The following RYR3 variants were observed in gnomAD, a reference collection of about 807,000 sequenced individuals.
RYR3 encodes brain ryanodine receptor-calcium release channel.
RYR3 carries 207 observed loss-of-function variants against 584.3 expected under a neutral mutation model. The ratio of observed to expected loss-of-function variants is 0.35; its 90% CI spans 0.32 to 0.40. RYR3 has a LOEUF of 0.40. Among genes scored for constraint, RYR3 ranks in the 10% least tolerant of loss-of-function variants. The pLI is 1.00. For missense variants in RYR3, 5,616 were observed against 6,089.2 expected (o/e 0.92, Z 2.59); for synonymous variants, 2,416 against 2,248.5 (o/e 1.07, Z -2.11).
intron 1 of RYR3, among the ~76,000 whole-genome samples, chr15:33,341,003 C>T (rs1157938609): frequency 6.6e-6 from 1 of 152,112 alleles, no homozygotes; most frequent in Admixed American, 6.5e-5. Context: ...CCACACACTG[C>T]TAAGCCCCAT....
At chr15:33,403,613 A>T (rs540890985) in intron 1 of RYR3, among the ~76,000 whole-genome samples, 1 of 148,960 alleles carries the variant, frequency 6.7e-6, no homozygotes, top group South Asian at 2.1e-4. Context: ...AATAATTGAC[A>T]ACTTTTCAGT....
At chr15:33,773,715 A>G in intron 64 of RYR3, 100 bp downstream of exon 64, 1 of 791,398 alleles carries the variant, frequency 1.3e-6, no homozygotes, top group Non-Finnish European at 2.2e-6. Flanking sequence ...AGCAAGACCA[A>G]AATGCTCACT....
chr15:33,699,178 G>GAT (rs1329248077), intron 40 of RYR3, among the ~76,000 whole-genome samples: 5 of 151,852 alleles, frequency 3.3e-5, no homozygotes, highest in African/African-American at 1.2e-4. Flanking sequence ...CTTGGGCTTT[G>GAT]ATATACTGGT....
chr15:33,443,469 A>G (rs2046388075), intron 1 of RYR3, among the ~76,000 whole-genome samples: 1 of 152,180 alleles, frequency 6.6e-6, no homozygotes, highest in Non-Finnish European at 1.5e-5. Flanking sequence ...TTATTATAGG[A>G]TGTTTAGTAA....
intron 16 of RYR3, among the ~76,000 whole-genome samples, chr15:33,596,571 G>T (rs971388244): frequency 6.6e-6 from 1 of 151,778 alleles, no homozygotes; most frequent in Non-Finnish European, 1.5e-5. Context: ...TGTTCATGGG[G>T]TACATAGTGA....
At chr15:33,819,287 C>T (rs2076983511) in intron 76 of RYR3, among the ~76,000 whole-genome samples, 1 of 152,172 alleles carries the variant, frequency 6.6e-6, no homozygotes, top group African/African-American at 2.4e-5. Context: ...TTCTAAGAAT[C>T]AGAGTGGGGG....
chr15:33,818,026 G>A (rs976172863), intron 75 of RYR3, among the ~76,000 whole-genome samples: 2 of 152,228 alleles, frequency 1.3e-5, no homozygotes, highest in African/African-American at 4.8e-5. Context: ...CAGCTCTCAG[G>A]AGCAACAAGA....
At chr15:33,690,162 A>G (rs879483267) in intron 38 of RYR3, among the ~76,000 whole-genome samples, 1 of 152,220 alleles carries the variant, frequency 6.6e-6, no homozygotes, top group Non-Finnish European at 1.5e-5. Context: ...TGTTGGGGAC[A>G]AAGAGTTAAG....
intron 1 of RYR3, among the ~76,000 whole-genome samples, chr15:33,411,392 C>T (rs2043395029): frequency 6.6e-6 from 1 of 152,214 alleles, no homozygotes. Flanking sequence ...AGACATCTGT[C>T]ACTGCAAATA....
intron 3 of RYR3, among the ~76,000 whole-genome samples, chr15:33,508,921 G>A (rs2052720088): frequency 6.6e-6 from 1 of 152,172 alleles, no homozygotes; most frequent in Non-Finnish European, 1.5e-5. Context: ...AAGATGACAT[G>A]CCTGTGACTG....
intron 2 of RYR3, among the ~76,000 whole-genome samples, chr15:33,478,263 T>G (rs563777334): frequency 2.0e-5 from 3 of 152,224 alleles, no homozygotes; most frequent in Non-Finnish European, 2.9e-5. Flanking sequence ...CCTATAGCAA[T>G]TCAGGGGCTG....
In RYR3 at chr15:33,726,947, C is replaced by G. The variant is rs116914928; in HGVS notation, c.7033+441C>G. On this transcript the variant is annotated intron_variant, in intron 46 of 103. Coordinates refer to ENST00000634891, the MANE Select transcript of RYR3 (RefSeq NM_001036.6). ...GGAAGTAATGACTTCAATCTGCTCTCTTGTCTGTGTCAGGACAATTGTACC... is the reference window on the plus strand; with the variant it reads ...GGAAGTAATGACTTCAATCTGCTCTGTTGTCTGTGTCAGGACAATTGTACC... Among the ~76,000 whole-genome samples, 1,240 of 152,326 alleles carry G rather than the reference C, an allele frequency of 8.1e-3. 12 individuals carry two copies. Among genetic ancestry groups the G allele is most frequent in the Non-Finnish European group, 0.012 (812 of 68,032 alleles).
intron 1 of RYR3, among the ~76,000 whole-genome samples, chr15:33,394,077 G>T (rs1232825405): frequency 1.3e-5 from 2 of 152,180 alleles, no homozygotes; most frequent in Non-Finnish European, 2.9e-5. Context: ...GCACCATCTT[G>T]TGTGGCACAG....
Position 33,659,771 on chromosome 15 carries a change from A to C in RYR3, c.4360A>C (p.Thr1454Pro). The change falls in exon 33 of 104, where the codon ACT (threonine) becomes CCT (proline). Residue 1454 changes from threonine (T) to proline (P), a missense_variant. Physicochemically the swap from Thr to Pro is conservative, Grantham distance 38. Around this residue, in one of 9 missense-constraint regions of RYR3, gnomAD observed 753 missense variants for 741.0 expected, o/e 1.02. Transcript: ENST00000634891. ...AGCAGTCTTCCTGCAGCCTACAAGT[A>C]CTTCTTTGTTTCAGTTTGAACTTGG... ...FPAVFLQPTS[T>P]SLFQFELGKL... 1 of 1,613,132 alleles carries C rather than the reference A, an allele frequency of 6.2e-7. No individual in the cohort carries two copies. Among genetic ancestry groups the C allele is most frequent in the Admixed American group, 1.7e-5 (1 of 60,010 alleles).
At chr15:33,582,968 T>A (rs2058668582) in intron 14 of RYR3, among the ~76,000 whole-genome samples, 5 of 152,220 alleles carry the variant, frequency 3.3e-5, no homozygotes, top group Admixed American at 3.3e-4. Flanking sequence ...GCGTCTACTC[T>A]TTTTGCCCTG....
intron 60 of RYR3, among the ~76,000 whole-genome samples, chr15:33,760,766 G>A (rs1228012852): frequency 7.9e-5 from 12 of 152,132 alleles, no homozygotes; most frequent in African/African-American, 2.9e-4. Context: ...GACATCTACA[G>A]AACTCTCCAC....
intron 43 of RYR3, among the ~76,000 whole-genome samples, chr15:33,719,338 A>T (rs1167104854): frequency 6.6e-6 from 1 of 152,204 alleles, no homozygotes; most frequent in African/African-American, 2.4e-5. Flanking sequence ...CGTAGAACTC[A>T]CAGTCTGATT....
At chr15:33,686,953 C>G (rs1164873226) in intron 38 of RYR3, among the ~76,000 whole-genome samples, 2 of 152,212 alleles carry the variant, frequency 1.3e-5, no homozygotes, top group East Asian at 3.9e-4. Context: ...GACAAACCCA[C>G]AGCCAATATC....
intron 32 of RYR3, 55 bp downstream of exon 32, chr15:33,652,938 C>T (rs2062576290): frequency 6.5e-7 from 1 of 1,528,724 alleles, no homozygotes; most frequent in Non-Finnish European, 8.8e-7. Flanking sequence ...GTGTTTATCA[C>T]TGTGTTCCTT....
Sources: gnomAD v4.1 joint callset for allele counts (sites outside exome capture counted in the v4.1 genomes callset) on GRCh38, gnomAD v4.1.1 for gene constraint, gnomAD v4.1.1 regional missense constraint, MANE v1.5 for transcripts, NCBI Gene and HGNC (gene_info 2026-07-23, HGNC 2026-07-21) for gene names.